NUMB: variants seen among roughly 807,000 people sequenced by gnomAD.
The protein encoded by NUMB is protein numb homolog.
Under a neutral mutation model 59.7 loss-of-function variants are expected in NUMB, and 29 were observed. The observed-to-expected ratio is 0.49, with a 90% CI of 0.36 to 0.66. The LOEUF is 0.66. Ranked by LOEUF, NUMB falls within the 30% of genes least tolerant of loss-of-function variation. The probability of loss-of-function intolerance (pLI) is 0.00; values close to 1 mark genes in which losing one functional copy is unlikely to be tolerated. For missense variants in NUMB, 723 were observed against 822.0 expected (o/e 0.88, Z 1.47); for synonymous variants, 288 against 288.2 (o/e 1.00, Z 0.01).
chr14:73,389,828 C>T (rs1326452286), intron 2 of NUMB, among the ~76,000 whole-genome samples: 1 of 152,104 alleles, frequency 6.6e-6, no homozygotes, highest in Admixed American at 6.6e-5. Flanking sequence ...CATTCCTCTT[C>T]AATGTACTAC....
intron 8 of NUMB, among the ~76,000 whole-genome samples, chr14:73,290,821 C>A (rs1409888098): frequency 6.6e-6 from 1 of 152,066 alleles, no homozygotes; most frequent in Non-Finnish European, 1.5e-5. Flanking sequence ...CCAAAATGCT[C>A]CAATGAGTAT....
chr14:73,437,038 TCTC>T (rs1487972163), intron 1 of NUMB, among the ~76,000 whole-genome samples: 536 of 134,546 alleles, frequency 4.0e-3, no homozygotes, highest in African/African-American at 8.6e-3. Context: ...ATTTTTTCTC[TCTC>T]TTTTTTTTTT....
intron 1 of NUMB, among the ~76,000 whole-genome samples, chr14:73,433,965 C>T (rs1052724880): frequency 3.9e-5 from 6 of 151,984 alleles, no homozygotes; most frequent in African/African-American, 1.2e-4. Context: ...TGGTGGTGCA[C>T]GCCTGTAATC....
chr14:73,355,498 T>A, intron 4 of NUMB, 128 bp downstream of exon 4: 1 of 691,742 alleles, frequency 1.4e-6, no homozygotes, highest in Non-Finnish European at 2.2e-6. Flanking sequence ...AATTCTATCA[T>A]TGAAGCAGAA....
At chr14:73,343,002 G>GTT (rs550788713) in intron 4 of NUMB, among the ~76,000 whole-genome samples, 66 of 146,590 alleles carry the variant, frequency 4.5e-4, no homozygotes, top group African/African-American at 8.0e-4. Context: ...AATTTTTTCT[G>GTT]TTTTTTTTTT....
At chr14:73,366,343 G>T (rs1488640890) in intron 3 of NUMB, among the ~76,000 whole-genome samples, 2 of 152,114 alleles carry the variant, frequency 1.3e-5, no homozygotes, top group South Asian at 2.1e-4. Flanking sequence ...TGTAAGTTTT[G>T]TCATACCCTA....
At chr14:73,454,066 CG>C (rs141041735) in intron 1 of NUMB, among the ~76,000 whole-genome samples, 25 of 150,038 alleles carry the variant, frequency 1.7e-4, no homozygotes, top group Admixed American at 2.0e-4. Context: ...AAAAGTTGGG[CG>C]GGGGGGGAAC....
chr14:73,442,801 G>T (rs1883161546), intron 1 of NUMB, among the ~76,000 whole-genome samples: 1 of 152,204 alleles, frequency 6.6e-6, no homozygotes, highest in African/African-American at 2.4e-5. Flanking sequence ...CTTTTGGAGT[G>T]ATCAGTATGT....
chr14:73,314,885 C>T (rs924418357), intron 6 of NUMB, among the ~76,000 whole-genome samples: 1 of 151,956 alleles, frequency 6.6e-6, no homozygotes, highest in Non-Finnish European at 1.5e-5. Context: ...CTAAAGTGTC[C>T]TTAACAATTA....
intron 1 of NUMB, among the ~76,000 whole-genome samples, chr14:73,456,297 T>C: frequency 6.6e-6 from 1 of 152,192 alleles, no homozygotes; most frequent in East Asian, 1.9e-4. Context: ...TTTTTAAAGA[T>C]GGGGGTCTCA....
intron 1 of NUMB, among the ~76,000 whole-genome samples, chr14:73,453,431 C>T (rs1884127129): frequency 6.6e-6 from 1 of 152,100 alleles, no homozygotes; most frequent in African/African-American, 2.4e-5. Flanking sequence ...CACGCCTAGC[C>T]TCAAAGTGCA....
chr14:73,314,444 C>CAA (rs58012727), intron 6 of NUMB, among the ~76,000 whole-genome samples: 15 of 150,572 alleles, frequency 1.0e-4, no homozygotes, highest in South Asian at 2.1e-4. Context: ...CATCATGTAG[C>CAA]AAAAAAAAAT....
chr14:73,285,925 CAA>C (rs372649591), intron 9 of NUMB, among the ~76,000 whole-genome samples: 4,837 of 108,938 alleles, frequency 0.044, 222 homozygotes, highest in South Asian at 0.3. Flanking sequence ...CACTCTGTCT[CAA>C]AAAAAAAAAA....
intron 1 of NUMB, among the ~76,000 whole-genome samples, chr14:73,415,552 C>T (rs1416396201): frequency 2.0e-5 from 3 of 151,422 alleles, no homozygotes; most frequent in South Asian, 2.1e-4. Flanking sequence ...CTGCAACCTC[C>T]GCCTCCCAGC....
In NUMB at chr14:73,309,718, TATAATAATA is replaced by T. The variant is rs199953380; in HGVS notation, c.234+6663_234+6671del. Among the ~76,000 whole-genome samples, 766 of 137,220 alleles carry T rather than the reference TATAATAATA, an allele frequency of 5.6e-3. 4 individuals are homozygous for T. Among genetic ancestry groups the T allele is most frequent in the African/African-American group, 0.018 (651 of 36,248 alleles). The allele number at this position is 137,220 out of a possible 152,430, so 90.0% of individuals were successfully genotyped here. A position where few individuals can be genotyped will look rare whatever the true frequency, so the allele number is the denominator to read the frequency against. On this transcript the variant is annotated intron_variant, in intron 6 of 12. Coordinates refer to ENST00000555238, the MANE Select transcript of NUMB (RefSeq NM_001005743.2). ...TGCACATATATCCCAGAACTTAAGGTATAATAATAATAATAATAATAATAATAATAATAA... is the reference window on the plus strand; with the variant it reads ...TGCACATATATCCCAGAACTTAAGGTATAATAATAATAATAATAATAATAA...
chr14:73,284,803 G>A lies in NUMB; in HGVS notation c.656-429C>T, dbSNP rs74061092. On this transcript the variant is annotated intron_variant, in intron 9 of 12. Coordinates refer to ENST00000555238, the MANE Select transcript of NUMB (RefSeq NM_001005743.2). ...AGCTTAACCATATATCTTTGATTAG[G>A]TGTCAAAGAATGTCATATATAACAG... 4.0e-3 allele frequency: 615 copies of A among 153,278 alleles called. 4 individuals carry two copies. Among genetic ancestry groups the A allele is most frequent in the African/African-American group, 0.014 (588 of 41,504 alleles). The allele number at this position is 153,278 out of a possible 1,614,324, so 9.5% of individuals were successfully genotyped here.
chr14:73,358,564 G>A (rs1342217627), intron 3 of NUMB, among the ~76,000 whole-genome samples: 2 of 150,548 alleles, frequency 1.3e-5, no homozygotes, highest in East Asian at 3.9e-4. Flanking sequence ...CATCTTTAAA[G>A]AGTCAGCTCA....
intron 6 of NUMB, among the ~76,000 whole-genome samples, chr14:73,306,486 G>C (rs1300340184): frequency 6.6e-6 from 1 of 152,092 alleles, no homozygotes; most frequent in Non-Finnish European, 1.5e-5. Context: ...ACGAAATCTG[G>C]GTCTCATCTT....
chr14:73,424,448 A>G (rs556242476), intron 1 of NUMB, among the ~76,000 whole-genome samples: 1 of 152,312 alleles, frequency 6.6e-6, no homozygotes, highest in South Asian at 2.1e-4. Context: ...TCTTGCCGTA[A>G]CTAAAGTGCT....
Sources: allele counts gnomAD v4.1 joint callset (sites outside exome capture counted in the v4.1 genomes callset), GRCh38; gene constraint gnomAD v4.1.1; transcripts MANE v1.5; gene names NCBI Gene and HGNC (gene_info 2026-07-23, HGNC 2026-07-21).